RALGPS2: variants seen among roughly 807,000 people sequenced by gnomAD.
RALGPS2 encodes the protein Ral GEF with PH domain and SH3 binding motif 2, also known as ras-specific guanine nucleotide-releasing factor RalGPS2.
A neutral mutation model predicts 86.8 loss-of-function variants in RALGPS2; 43 were observed. The observed-to-expected ratio is 0.50, with a 90% confidence interval of 0.39 to 0.64. The LOEUF (loss-of-function observed/expected upper bound fraction) is 0.64, where lower values mean the gene tolerates loss of function less well. Among genes scored for constraint, RALGPS2 ranks in the 30% least tolerant of loss-of-function variants. The probability of loss-of-function intolerance (pLI) is 0.00; values close to 1 mark genes in which losing one functional copy is unlikely to be tolerated. For synonymous variants in RALGPS2, 243 were observed against 231.3 expected (o/e 1.05, Z -0.46); for missense variants, 536 against 694.6 (o/e 0.77, Z 2.57).
At chr1:178,741,014 A>G (rs1650991058) in intron 1 of RALGPS2, among the ~76,000 whole-genome samples, 1 of 152,142 alleles carries the variant, frequency 6.6e-6, no homozygotes, top group Admixed American at 6.5e-5. Flanking sequence ...CAGATGTTCA[A>G]TAAATAGTAT....
At chr1:178,844,833 T>C (rs1158091360) in intron 8 of RALGPS2, among the ~76,000 whole-genome samples, 1 of 152,184 alleles carries the variant, frequency 6.6e-6, no homozygotes. Context: ...ATGTGCTTTT[T>C]CTAAGCCTCA....
intron 1 of RALGPS2, among the ~76,000 whole-genome samples, chr1:178,769,662 A>G (rs759901662): frequency 3.3e-5 from 5 of 152,154 alleles, no homozygotes; most frequent in African/African-American, 1.2e-4. Context: ...AGTGATATAC[A>G]TAGACTGGTT....
chr1:178,882,182 C>T (rs1203482091), intron 10 of RALGPS2, among the ~76,000 whole-genome samples: 1 of 152,188 alleles, frequency 6.6e-6, no homozygotes, highest in Non-Finnish European at 1.5e-5. Flanking sequence ...TTTCTAGGTG[C>T]TACCAATAGC....
intron 18 of RALGPS2, among the ~76,000 whole-genome samples, chr1:178,902,498 T>C (rs1369071054): frequency 6.6e-6 from 1 of 152,048 alleles, no homozygotes; most frequent in East Asian, 1.9e-4. Context: ...GCCCAGCTAA[T>C]CCCTAGAGAC....
chr1:178,855,107 A>G (rs373721351), intron 8 of RALGPS2, among the ~76,000 whole-genome samples: 1 of 152,098 alleles, frequency 6.6e-6, no homozygotes. Context: ...TTTCTGTACT[A>G]TAAGGATAAT....
At chr1:178,818,174 A>T (rs1319960901) in intron 6 of RALGPS2, among the ~76,000 whole-genome samples, 1 of 152,178 alleles carries the variant, frequency 6.6e-6, no homozygotes, top group Admixed American at 6.5e-5. Flanking sequence ...CAGCTGGTCA[A>T]CATAGTGAAA....
At chr1:178,782,787 G>C (rs985743453) in intron 2 of RALGPS2, among the ~76,000 whole-genome samples, 11 of 152,008 alleles carry the variant, frequency 7.2e-5, no homozygotes, top group Admixed American at 6.6e-4. Context: ...GACAACAGAG[G>C]ATAAAAAAAT....
rs74615194 is a variant in RALGPS2 at position 178,728,684 on chromosome 1, T to C, written c.-84+3265T>C. Reference sequence around the variant, plus strand: ...TGAATGTATTGCATTACCCTGTAAATTGTTTCTTTAAATGTGTCTTAAATT... The same window carrying C: ...TGAATGTATTGCATTACCCTGTAAACTGTTTCTTTAAATGTGTCTTAAATT... On this transcript the variant is annotated intron_variant, in intron 1 of 19. Coordinates refer to ENST00000367635, the MANE Select transcript of RALGPS2 (RefSeq NM_152663.5). 5.5e-3 allele frequency among the ~76,000 whole-genome samples: 844 copies of C among 152,268 alleles called. 8 individuals carry two copies. Among genetic ancestry groups the C allele is most frequent in the African/African-American group, 0.019 (808 of 41,572 alleles).
intron 2 of RALGPS2, 116 bp downstream of exon 2, chr1:178,776,937 T>C (rs1653116968): frequency 2.6e-6 from 2 of 756,998 alleles, no homozygotes. Context: ...AAATACACAT[T>C]TCCTTTTTTT....
chr1:178,856,234 T>TATATACACAC (rs1368301659), intron 8 of RALGPS2, among the ~76,000 whole-genome samples: 1 of 128,776 alleles, frequency 7.8e-6, no homozygotes, highest in African/African-American at 3.2e-5. Context: ...TATATATATA[T>TATATACACAC]GGTTTTGGGT....
chr1:178,792,596 C>G (rs977198354), intron 4 of RALGPS2, among the ~76,000 whole-genome samples: 7 of 152,158 alleles, frequency 4.6e-5, no homozygotes, highest in African/African-American at 1.7e-4. Flanking sequence ...TGACAGCTCC[C>G]TCTCCACCCC....
chr1:178,912,006 A>T (rs1054161325), intron 19 of RALGPS2, among the ~76,000 whole-genome samples: 1 of 152,154 alleles, frequency 6.6e-6, no homozygotes, highest in African/African-American at 2.4e-5. Flanking sequence ...TGTTGTATCT[A>T]ATATAAGACT....
At chr1:178,753,238 C>T (rs539289750) in intron 1 of RALGPS2, among the ~76,000 whole-genome samples, 2 of 152,022 alleles carry the variant, frequency 1.3e-5, no homozygotes, top group Admixed American at 1.3e-4. Flanking sequence ...CTTTTTTTTC[C>T]TGCCTTCGTA....
intron 10 of RALGPS2, among the ~76,000 whole-genome samples, chr1:178,880,955 G>A (rs1371172520): frequency 2.6e-5 from 4 of 152,094 alleles, no homozygotes; most frequent in Non-Finnish European, 5.9e-5. Context: ...GAAAGCTAAT[G>A]CTATTATACT....
intron 1 of RALGPS2, among the ~76,000 whole-genome samples, chr1:178,732,434 G>A (rs1650420843): frequency 6.6e-6 from 1 of 152,098 alleles, no homozygotes; most frequent in Admixed American, 6.5e-5. Context: ...AAGTAGCTGG[G>A]ACTACAGTTG....
intron 8 of RALGPS2, among the ~76,000 whole-genome samples, chr1:178,869,587 C>T (rs1474402345): frequency 1.3e-5 from 2 of 152,008 alleles, no homozygotes; most frequent in Non-Finnish European, 2.9e-5. Flanking sequence ...ATTTCAGATC[C>T]ACTGTTGCTT....
chr1:178,764,744 CTTGG>C lies in RALGPS2; in HGVS notation c.-83-11933_-83-11930del, dbSNP rs368729812. 5.9e-3 allele frequency among the ~76,000 whole-genome samples: 901 copies of C among 152,216 alleles called. 12 individuals carry two copies. The highest frequency in any genetic ancestry group is 0.021 in the African/African-American group (873 of 41,520). The stretch of plus-strand genomic sequence containing the variant: ...GCTTAGTTTGGCTAGATATGAAGTT[CTTGG>C]TTGGAAAGTTTTTTCTTTAAGAATG... On this transcript the variant is annotated intron_variant, in intron 1 of 19. Transcript: ENST00000367635.
chr1:178,772,736 G>T (rs1572313894), intron 1 of RALGPS2, among the ~76,000 whole-genome samples: 1 of 152,318 alleles, frequency 6.6e-6, no homozygotes, highest in South Asian at 2.1e-4. Context: ...GAAGACTTAG[G>T]TGTAGAATCT....
At chr1:178,891,536 A>C (rs750608102) in intron 14 of RALGPS2, among the ~76,000 whole-genome samples, 1 of 152,094 alleles carries the variant, frequency 6.6e-6, no homozygotes, top group Non-Finnish European at 1.5e-5. Context: ...TTAAAACATC[A>C]TTTATCAACA....
Sources: gnomAD v4.1 joint callset for allele counts (sites outside exome capture counted in the v4.1 genomes callset) on GRCh38, gnomAD v4.1.1 for gene constraint, MANE v1.5 for transcripts, NCBI Gene and HGNC (gene_info 2026-07-23, HGNC 2026-07-21) for gene names.